The following MDC1 variants were observed in gnomAD, a reference collection of about 807,000 sequenced individuals.
MDC1 encodes mediator of DNA damage checkpoint 1.
MDC1 carries 81 observed loss-of-function variants against 142.5 expected under a neutral mutation model. The ratio of observed to expected loss-of-function variants is 0.57; its 90% CI spans 0.47 to 0.68. The LOEUF (loss-of-function observed/expected upper bound fraction) is 0.68. Ranked by LOEUF, MDC1 falls within the 30% of genes least tolerant of loss-of-function variation. The probability of loss-of-function intolerance (pLI) is 0.00; values close to 1 mark genes in which losing one functional copy is unlikely to be tolerated. For synonymous variants in MDC1, 797 were observed against 968.4 expected (o/e 0.82, Z 3.29); for missense variants, 2,119 against 2,547.9 (o/e 0.83, Z 3.62).
chr6:30,707,367 GAA>G lies in MDC1; in HGVS notation c.3084+15_3084+16del. 2 of 1,612,620 alleles carry G rather than the reference GAA, an allele frequency of 1.2e-6. No individual in the cohort carries two copies. The highest frequency in any genetic ancestry group is 1.7e-6 in the Non-Finnish European group (2 of 1,179,584). On this transcript the variant is annotated intron_variant, in intron 9 of 14. Coordinates refer to ENST00000376406, the MANE Select transcript of MDC1 (RefSeq NM_014641.3). Reference sequence around the variant, plus strand: ...GAGATGACTTGTGGAATAGGAGGTAGAAAAAGTAGCTCTCACCCTGGAAACCT... The same window carrying G: ...GAGATGACTTGTGGAATAGGAGGTAGAAAGTAGCTCTCACCCTGGAAACCT...
In MDC1 at chr6:30,712,976, C is replaced by T. The variant is rs1775142188; in HGVS notation, c.966G>A (p.Gln322=). ...RPAEVHLERA[Q]PFGFIDSDTD... is the part of the protein sequence containing the mutation. ...TGTCGCTGTCGATGAAGCCAAAAGGCTGAGCCCTTTCCAAATGGACCTCAG... is the reference window on the plus strand; with the variant it reads ...TGTCGCTGTCGATGAAGCCAAAAGGTTGAGCCCTTTCCAAATGGACCTCAG... Residue 322 remains glutamine (Q), a synonymous_variant, in exon 5 of 15, where the codon CAG becomes CAA. Coordinates refer to ENST00000376406, the MANE Select transcript of MDC1 (RefSeq NM_014641.3). This position sits in a 1 kb window ranked among gnomAD's most constrained non-coding sequence, Gnocchi z 4.7. 1 of 1,612,882 alleles carries T rather than the reference C, an allele frequency of 6.2e-7. No individual in the cohort carries two copies. The highest frequency in any genetic ancestry group is 1.3e-5 in the African/African-American group (1 of 74,926).
rs9281018 is a variant in MDC1, at chr6:30,700,902, C to CAAA, written c.6103-273_6103-271dup. Among the ~76,000 whole-genome samples, 377 of 70,540 alleles carry CAAA rather than the reference C, an allele frequency of 5.3e-3. 6 individuals are homozygous for CAAA. Among genetic ancestry groups the CAAA allele is most frequent in the Non-Finnish European group, 7.2e-3 (278 of 38,412 alleles). 46.3% of individuals were successfully genotyped at this position (70,540 alleles called of 152,430 possible). Reference sequence around the variant, plus strand: ...TGAAACCCTGTCTCTACTAAAAATACAAAAAAAAAAAAAAAAAAAAATTAG... The same window carrying CAAA: ...TGAAACCCTGTCTCTACTAAAAATACAAAAAAAAAAAAAAAAAAAAAAAATTAG... On this transcript the variant is annotated intron_variant, in intron 14 of 14. Coordinates refer to ENST00000376406, the MANE Select transcript of MDC1 (RefSeq NM_014641.3).
Position 30,712,650 on chromosome 6 carries a change from G to C in MDC1, c.1292C>G (p.Ala431Gly), listed in dbSNP as rs1299762052. ...ESQPAIWNRD[A>G]EEDMPQRVVL... The stretch of plus-strand genomic sequence containing the variant: ...CACACGTTGGGGCATGTCCTCTTCT[G>C]CATCTCTGTTCCATATAGCAGGCTG... The change falls in exon 5 of 15, where the codon GCA (alanine) becomes GGA (glycine). Residue 431 changes from alanine to glycine, a missense_variant. Physicochemically the swap from Ala to Gly is moderately conservative, Grantham distance 60. Coordinates refer to ENST00000376406, the MANE Select transcript of MDC1 (RefSeq NM_014641.3). This position sits in a 1 kb window ranked among gnomAD's most constrained non-coding sequence, Gnocchi z 4.7. 1 of 1,612,848 alleles carries C rather than the reference G, an allele frequency of 6.2e-7. No individual in the cohort carries two copies.
In MDC1 at chr6:30,713,969, G is replaced by T; in HGVS notation, c.351C>A (p.Asp117Glu). ...LSPGVSHRLR[D>E]QELILFADLL... ...AGTCAGCAAAGAGAATCAATTCCTG[G>T]TCCCTCAGACGGTGACTCACCCCAG... Residue 117 changes from aspartate (D) to glutamate (E), a missense_variant, in exon 3 of 15, where the codon GAC (aspartate) becomes GAA (glutamate). Transcript: ENST00000376406. The surrounding 1 kb of genome is among the most constrained non-coding windows in gnomAD (Gnocchi z 4.9). The T allele has an allele frequency of 6.8e-6, 11 of 1,612,958 alleles. No individual in the cohort carries two copies. Among genetic ancestry groups the T allele is most frequent in the Non-Finnish European group, 9.3e-6 (11 of 1,179,992 alleles).
chr6:30,704,451 G>A lies in MDC1; in HGVS notation c.4732C>T (p.Leu1578Phe). 1 of 1,612,520 alleles carries A rather than the reference G, an allele frequency of 6.2e-7. No individual in the cohort carries two copies. ...TGGTTTCTGGAGGTGGAAGGCTGAAGCTCAGGGGCTATAGGGACAATTGAT... is the reference window on the plus strand; with the variant it reads ...TGGTTTCTGGAGGTGGAAGGCTGAAACTCAGGGGCTATAGGGACAATTGAT... The part of the protein sequence containing the change: ...PESIVPIAPE[L>F]QPSTSRNQLV... Residue 1578 changes from leucine to phenylalanine, a missense_variant, in exon 10 of 15, where the codon CTT becomes TTT. Leu to Phe is a conservative substitution (Grantham distance 22). Coordinates refer to ENST00000376406, the MANE Select transcript of MDC1 (RefSeq NM_014641.3).
In MDC1 at chr6:30,703,441, TAA is replaced by T; in HGVS notation, c.5657_5658del (p.Leu1886GlnfsTer43). The T allele has an allele frequency of 6.2e-7, 1 of 1,614,000 alleles. No homozygotes were observed. Among genetic ancestry groups the T allele is most frequent in the Non-Finnish European group, 8.5e-7 (1 of 1,180,030 alleles). On this transcript the variant is annotated frameshift_variant, in exon 11 of 15. Transcript: ENST00000376406. LOFTEE classifies it high-confidence loss of function. This position sits in a 1 kb window ranked among gnomAD's most constrained non-coding sequence, Gnocchi z 4.4. Reference protein sequence around the residue: ...IPSRSLRRTKLNQESTAPKVL... With the variant: ...IPSRSLRRTKXNQESTAPKVL... ...ACTTTGGGGGCTGTTGATTCTTGGT[TAA>T]GTTTGGTCCGTCGGAGGCTGCGGCT... is the stretch of plus-strand genomic sequence containing the variant.
chr6:30,707,393 C>T lies in MDC1; in HGVS notation c.3075G>A (p.Lys1025=), dbSNP rs749127249. ...EKASRIRAAE[K]VSRGDQESPD... ...AAAAAGTAGCTCTCACCCTGGAAACCTTCTCAGCAGCTCTGATCCTGGAAG... is the reference window on the plus strand; with the variant it reads ...AAAAAGTAGCTCTCACCCTGGAAACTTTCTCAGCAGCTCTGATCCTGGAAG... Residue 1025 remains lysine, a synonymous_variant, in exon 9 of 15, where the codon AAG becomes AAA. Coordinates refer to ENST00000376406, the MANE Select transcript of MDC1 (RefSeq NM_014641.3). The T allele has an allele frequency of 1.2e-5, 19 of 1,613,068 alleles. No homozygotes were observed. Among genetic ancestry groups the T allele is most frequent in the Non-Finnish European group, 1.5e-5 (18 of 1,180,036 alleles).
In MDC1 at chr6:30,715,212, T is replaced by G. The variant is rs368500382; in HGVS notation, c.-3-34A>C. ...GATACACATTATCAATTATCCTCAT[T>G]ATTGGTTCACACAAACAGCATCAGA... On this transcript the variant is annotated intron_variant, in intron 1 of 14. Transcript: ENST00000376406. The surrounding 1 kb of genome is among the most constrained non-coding windows in gnomAD (Gnocchi z 4.1). The G allele has an allele frequency of 6.8e-6, 11 of 1,612,584 alleles. No homozygotes were observed. The African/African-American group carries it at 1.2e-4, about 18-fold the overall frequency.
chr6:30,705,347 T>A lies in MDC1; in HGVS notation c.3836A>T (p.Lys1279Met). The A allele has an allele frequency of 6.2e-7, 1 of 1,603,384 alleles. No individual in the cohort carries two copies. The highest frequency in any genetic ancestry group is 8.5e-7 in the Non-Finnish European group (1 of 1,176,126). Residue 1279 changes from lysine (K) to methionine (M), a missense_variant, in exon 10 of 15, where the codon AAG becomes ATG. Physicochemically the swap from Lys to Met is moderately conservative, Grantham distance 95 (BLOSUM62 -1). Transcript: ENST00000376406. ...TRGRKNRSSV[K>M]TPEPVVPTAP... ...TGTGGGCACAACTGGTTCAGGGGTC[T>A]TGACAGAGGATCTATTTTTTCTTCC... is the stretch of plus-strand genomic sequence containing the variant.
intron 9 of MDC1, 88 bp downstream of exon 9, chr6:30,707,296 A>T (rs1774037062): frequency 2.2e-6 from 3 of 1,334,540 alleles, no homozygotes; most frequent in Non-Finnish European, 3.2e-6. Flanking sequence ...ATGAGAAAGG[A>T]ATAGATTAAA....
chr6:30,715,316 T>C lies in MDC1; in HGVS notation c.-3-138A>G, dbSNP rs1775508898. 14 of 1,007,180 alleles carry C rather than the reference T, an allele frequency of 1.4e-5. No individual in the cohort carries two copies. In the South Asian group the frequency reaches 1.9e-4, roughly 14 times the overall value. The allele number at this position is 1,007,180 out of a possible 1,614,324, so 62.4% of individuals were successfully genotyped here. ...TCTCTTTCCACCAATCTTTCTGTTG[T>C]TAACCTTCTGAAGCACTTAAAACAT... is the stretch of plus-strand genomic sequence containing the variant. On this transcript the variant is annotated intron_variant, in intron 1 of 14. Transcript: ENST00000376406. This position sits in a 1 kb window ranked among gnomAD's most constrained non-coding sequence, Gnocchi z 4.1.
At position 30,713,524 on chromosome 6, in the gene MDC1, G is replaced by C; in HGVS notation, c.587+124C>G. On this transcript the variant is annotated intron_variant, in intron 4 of 14. Transcript: ENST00000376406. This position sits in a 1 kb window ranked among gnomAD's most constrained non-coding sequence, Gnocchi z 4.9. ...GTGCTCCATAAAAATTCAGCTGAGT[G>C]AATGAATATGTATGGTTCCCCAGCC... 1 of 1,248,258 alleles carries C rather than the reference G, an allele frequency of 8.0e-7. No individual in the cohort carries two copies. Among genetic ancestry groups the C allele is most frequent in the Non-Finnish European group, 1.1e-6 (1 of 909,484 alleles). 77.3% of individuals were successfully genotyped at this position (1,248,258 alleles called of 1,614,324 possible).
chr6:30,714,279 C>T (rs1365673628), intron 2 of MDC1, 96 bp from the exon 3 acceptor site: 3 of 1,302,320 alleles, frequency 2.3e-6, no homozygotes, highest in Admixed American at 2.8e-5. Context: ...CACTCAAGGC[C>T]TCCATATGCA....
chr6:30,708,260 C>A lies in MDC1; in HGVS notation c.2319G>T (p.Glu773Asp). Residue 773 changes from glutamate to aspartate, a missense_variant, in exon 8 of 15, where the codon GAG becomes GAT. Glu to Asp is a conservative substitution (Grantham distance 45). Transcript: ENST00000376406. ...SETQPFDTHL[E>D]AYGPCLSPPR... ...GTGGAGACAGGCAAGGTCCATAGGC[C>A]TCAAGGTGCGTGTCAAAAGGCTGGG... The A allele has an allele frequency of 6.2e-7, 1 of 1,612,998 alleles. No homozygotes were observed. The highest frequency in any genetic ancestry group is 8.5e-7 in the Non-Finnish European group (1 of 1,180,022).
chr6:30,702,993 C>T (rs1773028147), intron 12 of MDC1, 111 bp downstream of exon 12: 1 of 1,579,018 alleles, frequency 6.3e-7, no homozygotes, highest in African/African-American at 1.4e-5. Context: ...GCTTCTGGCT[C>T]ACCAATGCCC....
chr6:30,700,665 G>A, intron 14 of MDC1, 33 bp from the exon 15 acceptor site: 2 of 1,609,486 alleles, frequency 1.2e-6, no homozygotes, highest in South Asian at 1.1e-5. Context: ...AAAATCAGGT[G>A]AAAAAGAATC....
Position 30,712,221 on chromosome 6 carries a change from T to C in MDC1, c.1721A>G (p.His574Arg), listed in dbSNP as rs1156366592. 6.2e-7 allele frequency: 1 copy of C among 1,613,020 alleles called. No homozygotes were observed. Among genetic ancestry groups the C allele is most frequent in the Non-Finnish European group, 8.5e-7 (1 of 1,180,000 alleles). ...VVSLEEAWPL[H>R]GDCETDAEEG... is the part of the protein sequence containing the mutation. ...CTCTGCATCTGTTTCACAGTCCCCA[T>C]GCAGAGGCCAGGCTTCCTCTAGAGA... is the stretch of plus-strand genomic sequence containing the variant. Residue 574 changes from histidine to arginine, a missense_variant, in exon 5 of 15, where the codon CAT becomes CGT. His to Arg is a conservative substitution (Grantham distance 29, BLOSUM62 0). Coordinates refer to ENST00000376406, the MANE Select transcript of MDC1 (RefSeq NM_014641.3). The surrounding 1 kb of genome is among the most constrained non-coding windows in gnomAD (Gnocchi z 4.7).
In MDC1 at chr6:30,703,255, C is replaced by T; in HGVS notation, c.5714G>A (p.Gly1905Glu). 3.7e-6 allele frequency: 6 copies of T among 1,612,854 alleles called. No homozygotes were observed. The highest frequency in any genetic ancestry group is 5.1e-6 in the Non-Finnish European group (6 of 1,179,856). ...CCCCAGTGCCAGCACAGCCCGCTCT[C>T]CCCGAGCATCCACCACTCCTGTGAA... ...VLFTGVVDAR[G>E]ERAVLALGGS... The change falls in exon 12 of 15, where the codon GGA becomes GAA. Residue 1905 changes from glycine to glutamate, a missense_variant. Coordinates refer to ENST00000376406, the MANE Select transcript of MDC1 (RefSeq NM_014641.3). The surrounding 1 kb of genome is among the most constrained non-coding windows in gnomAD (Gnocchi z 4.4).
chr6:30,712,783 G>A lies in MDC1; in HGVS notation c.1159C>T (p.Gln387Ter), dbSNP rs1288233844. 6.2e-7 allele frequency: 1 copy of A among 1,613,008 alleles called. No homozygotes were observed. The highest frequency in any genetic ancestry group is 8.5e-7 in the Non-Finnish European group (1 of 1,179,986). Residue 387 changes from glutamine to a stop codon, truncating the protein, a stop_gained, in exon 5 of 15, where the codon CAG becomes TAG. Coordinates refer to ENST00000376406, the MANE Select transcript of MDC1 (RefSeq NM_014641.3). LOFTEE classifies it high-confidence loss of function. The surrounding 1 kb of genome is among the most constrained non-coding windows in gnomAD (Gnocchi z 4.7). The part of the protein sequence containing the change: ...DTDVEEGKAP[Q>*]AVPLEKSQAS... ...TGGCTTTTCTCCAGAGGGACAGCCT[G>A]TGGGGCCTTGCCTTCTTCCACATCT...
Sources: gnomAD v4.1 joint callset for allele counts (sites outside exome capture counted in the v4.1 genomes callset) on GRCh38, gnomAD v4.1.1 for gene constraint, Gnocchi (gnomAD v3.1) non-coding constraint, MANE v1.5 for transcripts, NCBI Gene and HGNC (gene_info 2026-07-23, HGNC 2026-07-21) for gene names.